The following MARCHF3 variants were observed in gnomAD, a reference collection of about 807,000 sequenced individuals.
MARCHF3 encodes membrane associated ring-CH-type finger 3.
Under a neutral mutation model 24.2 loss-of-function variants are expected in MARCHF3, and 13 were observed. The observed-to-expected ratio is 0.54, with a 90% CI of 0.35 to 0.85. The LOEUF is 0.85. Among genes scored for constraint, MARCHF3 ranks in the 40% least tolerant of loss-of-function variants. The probability of loss-of-function intolerance (pLI) is 0.01; values close to 1 mark genes in which losing one functional copy is unlikely to be tolerated. For synonymous variants in MARCHF3, 144 were observed against 137.3 expected (o/e 1.05, Z -0.34); for missense variants, 276 against 325.0 (o/e 0.85, Z 1.16).
chr5:126,903,965 C>A (rs1180631087), intron 3 of MARCHF3, among the ~76,000 whole-genome samples: 3 of 117,556 alleles, frequency 2.6e-5, no homozygotes, highest in Non-Finnish European at 1.7e-5. Context: ...CCTCCCCCCT[C>A]CCCCCACCCC....
At chr5:126,967,470 A>T (rs1580690973) in intron 1 of MARCHF3, among the ~76,000 whole-genome samples, 1 of 152,150 alleles carries the variant, frequency 6.6e-6, no homozygotes, top group South Asian at 2.1e-4. Context: ...AGGCAGGCGG[A>T]TCACCTGAGG....
intron 3 of MARCHF3, among the ~76,000 whole-genome samples, chr5:126,884,843 T>C (rs1339682279): frequency 1.3e-5 from 2 of 152,134 alleles, no homozygotes; most frequent in African/African-American, 2.4e-5. Flanking sequence ...CCCAAAACAA[T>C]AGTCAGGGTG....
chr5:126,927,047 A>C (rs1749319836), intron 1 of MARCHF3, among the ~76,000 whole-genome samples: 2 of 151,600 alleles, frequency 1.3e-5, no homozygotes, highest in South Asian at 4.3e-4. Context: ...ATAAACAGGT[A>C]AAAAAAATCA....
intron 1 of MARCHF3, among the ~76,000 whole-genome samples, chr5:126,929,351 C>A (rs1258090249): frequency 2.0e-5 from 3 of 152,194 alleles, no homozygotes; most frequent in Non-Finnish European, 4.4e-5. Context: ...CATCAGATGG[C>A]AAGTAATGTA....
chr5:126,921,833 C>G (rs1580645892), intron 1 of MARCHF3, among the ~76,000 whole-genome samples: 1 of 152,198 alleles, frequency 6.6e-6, no homozygotes, highest in Non-Finnish European at 1.5e-5. Context: ...TGATTTGGCA[C>G]TGGCCAAACT....
At chr5:126,973,434 G>C (rs889803386) in intron 1 of MARCHF3, among the ~76,000 whole-genome samples, 1 of 152,252 alleles carries the variant, frequency 6.6e-6, no homozygotes, top group African/African-American at 2.4e-5. Flanking sequence ...GCCAGGTGGA[G>C]CAATCCAGAA....
intron 1 of MARCHF3, among the ~76,000 whole-genome samples, chr5:126,996,806 GA>G (rs765466166): frequency 3.3e-5 from 5 of 151,540 alleles, no homozygotes; most frequent in East Asian, 3.9e-4. Flanking sequence ...ACGCAAGTAA[GA>G]AAAAAAATAA....
chr5:126,972,954 CTA>C (rs1245227153), intron 1 of MARCHF3, among the ~76,000 whole-genome samples: 1 of 152,238 alleles, frequency 6.6e-6, no homozygotes, highest in Admixed American at 6.5e-5. Flanking sequence ...GCTAATGTCT[CTA>C]TATCACATGA....
intron 1 of MARCHF3, among the ~76,000 whole-genome samples, chr5:126,981,685 CCT>C (rs1751400375): frequency 6.6e-6 from 1 of 152,126 alleles, no homozygotes; most frequent in Admixed American, 6.5e-5. Context: ...ACAAAATTTC[CCT>C]CTCACTATAC....
In MARCHF3 at chr5:126,962,838, T is replaced by C. The variant is rs927529394; in HGVS notation, c.-56-44611A>G. On this transcript the variant is annotated intron_variant, in intron 1 of 4. Coordinates refer to ENST00000308660, the MANE Select transcript of MARCHF3 (RefSeq NM_178450.5). Reference sequence around the variant, plus strand: ...CTGTGTGTGTGTGTGTGTGTGCGTGTGTGTGTGTGTGTGTGTGTGTATAAC... The same window carrying C: ...CTGTGTGTGTGTGTGTGTGTGCGTGCGTGTGTGTGTGTGTGTGTGTATAAC... Among the ~76,000 whole-genome samples the C allele has an allele frequency of 1.2e-3, 185 of 148,102 alleles. 1 individual carries two copies. Among genetic ancestry groups the C allele is most frequent in the African/African-American group, 4.5e-3 (178 of 39,274 alleles).
chr5:126,921,741 C>A (rs1424054175), intron 1 of MARCHF3, among the ~76,000 whole-genome samples: 4 of 152,204 alleles, frequency 2.6e-5, no homozygotes, highest in Admixed American at 2.0e-4. Flanking sequence ...CTTAAAACAT[C>A]AAACGGCACT....
chr5:127,029,809 C>T (rs1286720049), intron 1 of MARCHF3: 1 of 152,258 alleles, frequency 6.6e-6, no homozygotes, highest in Non-Finnish European at 1.5e-5. Flanking sequence ...AAAGCAATTA[C>T]TTTAGAAAGT....
At chr5:126,983,159 A>G (rs1751447969) in intron 1 of MARCHF3, among the ~76,000 whole-genome samples, 1 of 152,190 alleles carries the variant, frequency 6.6e-6, no homozygotes, top group African/African-American at 2.4e-5. Flanking sequence ...ACATCGCTGG[A>G]TGCCACCGGA....
chr5:126,895,289 T>C (rs995140862), intron 3 of MARCHF3, among the ~76,000 whole-genome samples: 15 of 152,284 alleles, frequency 9.9e-5, no homozygotes, highest in African/African-American at 3.6e-4. Context: ...TTTGATCGTC[T>C]GAAGCCTTCT....
intron 3 of MARCHF3, among the ~76,000 whole-genome samples, chr5:126,884,235 G>A (rs1753434310): frequency 6.6e-6 from 1 of 152,126 alleles, no homozygotes; most frequent in Non-Finnish European, 1.5e-5. Context: ...TTGAAACAAA[G>A]CAGAGAACAA....
chr5:126,896,240 T>C (rs1172829140), intron 3 of MARCHF3, among the ~76,000 whole-genome samples: 4 of 152,078 alleles, frequency 2.6e-5, no homozygotes, highest in African/African-American at 9.7e-5. Context: ...ACCCGGTACC[T>C]CAGATGGAAA....
chr5:126,900,913 G>C (rs537367039), intron 3 of MARCHF3, among the ~76,000 whole-genome samples: 1 of 152,010 alleles, frequency 6.6e-6, no homozygotes, highest in East Asian at 1.9e-4. Flanking sequence ...TGTTGGTCAG[G>C]CTGGTCTCGA....
chr5:126,893,414 C>G (rs1753764159), intron 3 of MARCHF3, among the ~76,000 whole-genome samples: 1 of 151,506 alleles, frequency 6.6e-6, no homozygotes, highest in Non-Finnish European at 1.5e-5. Flanking sequence ...CCTGCTTTCT[C>G]TTGTGGGCAT....
intron 3 of MARCHF3, among the ~76,000 whole-genome samples, chr5:126,894,642 T>C (rs1753807889): frequency 6.6e-6 from 1 of 152,054 alleles, no homozygotes; most frequent in South Asian, 2.1e-4. Flanking sequence ...TTGTAGGGTT[T>C]CTGCCGAGAG....
Sources: gnomAD v4.1 joint callset for allele counts (sites outside exome capture counted in the v4.1 genomes callset) on GRCh38, gnomAD v4.1.1 for gene constraint, MANE v1.5 for transcripts, NCBI Gene and HGNC (gene_info 2026-07-23, HGNC 2026-07-21) for gene names.